The following PDE7B variants were observed in gnomAD, a reference collection of about 807,000 sequenced individuals.
PDE7B encodes 3',5'-cyclic-AMP phosphodiesterase 7B.
Under a neutral mutation model 56.2 loss-of-function variants are expected in PDE7B, and 29 were observed. The ratio of observed to expected loss-of-function variants is 0.52; its 90% CI spans 0.38 to 0.70. PDE7B has a LOEUF of 0.70. PDE7B is among the 30% of genes least tolerant of loss of function. The probability of loss-of-function intolerance (pLI) is 0.00; values close to 1 mark genes in which losing one functional copy is unlikely to be tolerated. For synonymous variants in PDE7B, 197 were observed against 196.9 expected, an observed-to-expected ratio of 1.00 and a Z score of 0.00; for missense variants, 490 against 565.0, an observed-to-expected ratio of 0.87 and a Z score of 1.35.
At chr6:136,017,141 G>A (rs977822281) in intron 2 of PDE7B, among the ~76,000 whole-genome samples, 3 of 152,076 alleles carry the variant, frequency 2.0e-5, no homozygotes, top group Admixed American at 6.5e-5. Context: ...ATCATCATAA[G>A]GTCATTTAGA....
chr6:135,916,678 A>T (rs947321760), intron 1 of PDE7B, among the ~76,000 whole-genome samples: 13 of 151,638 alleles, frequency 8.6e-5, no homozygotes, highest in Non-Finnish European at 1.6e-4. Context: ...GGCGTTAGCC[A>T]CCGCACCCAG....
chr6:135,987,174 C>G (rs1018913003), intron 2 of PDE7B, among the ~76,000 whole-genome samples: 1 of 152,204 alleles, frequency 6.6e-6, no homozygotes, highest in Non-Finnish European at 1.5e-5. Context: ...GTAGATGACA[C>G]GCCTTGAGGA....
chr6:135,902,967 A>T (rs1304841567), intron 1 of PDE7B, among the ~76,000 whole-genome samples: 1 of 152,218 alleles, frequency 6.6e-6, no homozygotes, highest in Non-Finnish European at 1.5e-5. Context: ...AAGTCACAGC[A>T]CTGAGTAAGT....
At chr6:135,868,994 A>G (rs1775319454) in intron 1 of PDE7B, among the ~76,000 whole-genome samples, 1 of 152,174 alleles carries the variant, frequency 6.6e-6, no homozygotes, top group Non-Finnish European at 1.5e-5. Context: ...CATATATTAT[A>G]TCAAGCCATT....
In PDE7B at chr6:136,194,715, A is replaced by AC. The variant is rs1779286417; in HGVS notation, c.*2879dup. 6.6e-6 allele frequency: 1 copy of AC among 152,182 alleles called. No homozygotes were observed. Among genetic ancestry groups the AC allele is most frequent in the South Asian group, 2.1e-4 (1 of 4,820 alleles). 9.4% of individuals were successfully genotyped at this position (152,182 alleles called of 1,614,324 possible). A position where few individuals can be genotyped will look rare whatever the true frequency, so the allele number is the denominator to read the frequency against. On this transcript the variant is annotated 3_prime_UTR_variant, in exon 13 of 13. Transcript: ENST00000308191. ...AGACCATTCTGGCCAACATGGTGAA[A>AC]CCCCGTCTCTACTAAAAATACAAAA...
intron 1 of PDE7B, among the ~76,000 whole-genome samples, chr6:135,894,325 T>G (rs1200148071): frequency 1.3e-5 from 2 of 152,114 alleles, no homozygotes; most frequent in Non-Finnish European, 2.9e-5. Context: ...AACTATAGAG[T>G]GAATTTAAAT....
chr6:135,964,261 A>G (rs1774956142), intron 2 of PDE7B, among the ~76,000 whole-genome samples: 1 of 151,574 alleles, frequency 6.6e-6, no homozygotes, highest in Non-Finnish European at 1.5e-5. Flanking sequence ...ACACCACCAC[A>G]CCCGGCTAAT....
chr6:136,060,847 C>T (rs1776825609), intron 2 of PDE7B, among the ~76,000 whole-genome samples: 1 of 152,196 alleles, frequency 6.6e-6, no homozygotes, highest in South Asian at 2.1e-4. Context: ...CTTTTCACTT[C>T]ATTTGCTTCA....
At chr6:136,077,578 GTTAA>G (rs1777145162) in intron 2 of PDE7B, among the ~76,000 whole-genome samples, 1 of 152,058 alleles carries the variant, frequency 6.6e-6, no homozygotes, top group African/African-American at 2.4e-5. Flanking sequence ...CAAATATAAG[GTTAA>G]TTAACCCATG....
intron 1 of PDE7B, among the ~76,000 whole-genome samples, chr6:135,888,121 A>G (rs1775741347): frequency 6.6e-6 from 1 of 152,126 alleles, no homozygotes; most frequent in Non-Finnish European, 1.5e-5. Context: ...TTTTGCCTAT[A>G]TTATCCCACG....
At chr6:135,891,273 A>G (rs1283925713) in intron 1 of PDE7B, among the ~76,000 whole-genome samples, 1 of 152,242 alleles carries the variant, frequency 6.6e-6, no homozygotes, top group Non-Finnish European at 1.5e-5. Context: ...GAGTAACAAA[A>G]ATGATTAGAA....
intron 2 of PDE7B, among the ~76,000 whole-genome samples, chr6:135,963,023 G>A (rs1018547074): frequency 6.6e-6 from 1 of 152,206 alleles, no homozygotes; most frequent in African/African-American, 2.4e-5. Flanking sequence ...TGTTGCAGTA[G>A]GGATGGGTGA....
intron 2 of PDE7B, 93 bp from the exon 3 acceptor site, chr6:136,108,638 C>T (rs959233474): frequency 6.1e-6 from 5 of 815,278 alleles, no homozygotes; most frequent in Non-Finnish European, 1.1e-5. Context: ...TTTCTCCTGA[C>T]ATCTGGGGTT....
intron 2 of PDE7B, among the ~76,000 whole-genome samples, chr6:135,988,421 T>C (rs955472288): frequency 1.3e-5 from 2 of 152,160 alleles, no homozygotes; most frequent in African/African-American, 4.8e-5. Context: ...GACATTCTAA[T>C]GGAAATATTT....
At chr6:135,992,967 A>G (rs966997847) in intron 2 of PDE7B, 1 of 152,180 alleles carries the variant, frequency 6.6e-6, no homozygotes, top group Non-Finnish European at 1.5e-5. Flanking sequence ...ATATGGTTGG[A>G]GAAAATTCAG....
At chr6:135,968,443 T>G (rs184166198) in intron 2 of PDE7B, among the ~76,000 whole-genome samples, 6 of 152,132 alleles carry the variant, frequency 3.9e-5, no homozygotes, top group Admixed American at 1.3e-4. Flanking sequence ...ACAAGGAACT[T>G]AAACAAATTT....
rs775153681 is a variant in PDE7B at position 136,191,819 on chromosome 6, G to A, written c.1332G>A (p.Glu444=). ...CAGGCCAAGGGACTGAGAGCGAGGA[G>A]CAGGAAGGCGACAGCCCCTAGGGGC... is the stretch of plus-strand genomic sequence containing the variant. ...DHAGQGTESE[E]QEGDSP is the part of the protein sequence containing the mutation. Residue 444 remains glutamate (E), a synonymous_variant, in exon 13 of 13, where the codon GAG becomes GAA. Transcript: ENST00000308191. 1 of 1,552,366 alleles carries A rather than the reference G, an allele frequency of 6.4e-7. No homozygotes were observed. The highest frequency in any genetic ancestry group is 8.7e-7 in the Non-Finnish European group (1 of 1,148,416).
rs1005163505 is a variant in PDE7B at position 135,922,088 on chromosome 6, C to G, written c.22-25376C>G. On this transcript the variant is annotated intron_variant, in intron 1 of 12. Coordinates refer to ENST00000308191, the MANE Select transcript of PDE7B (RefSeq NM_018945.4). ...ATTTACCTTAGAGATTGCATAAGGT[C>G]AATCTTGCATCCAAGTTTTTACTAA... Among the ~76,000 whole-genome samples the G allele has an allele frequency of 5.3e-5, 8 of 152,136 alleles. 1 individual carries two copies. The highest frequency in any genetic ancestry group is 6.6e-5 in the Admixed American group (1 of 15,262).
At chr6:136,012,929 C>T (rs528186946) in intron 2 of PDE7B, among the ~76,000 whole-genome samples, 1 of 152,078 alleles carries the variant, frequency 6.6e-6, no homozygotes, top group Non-Finnish European at 1.5e-5. Context: ...GCAGAATTAG[C>T]CCCATTCTAC....
Sources: allele counts gnomAD v4.1 joint callset (sites outside exome capture counted in the v4.1 genomes callset), GRCh38; gene constraint gnomAD v4.1.1; transcripts MANE v1.5; gene names NCBI Gene and HGNC (gene_info 2026-07-23, HGNC 2026-07-21).